Variants in MPRIP observed in about 807,000 individuals in gnomAD.
The protein encoded by MPRIP is myosin phosphatase Rho interacting protein, also known as myosin phosphatase Rho-interacting protein.
MPRIP carries 59 observed loss-of-function variants against 234.9 expected under a neutral mutation model. The observed-to-expected ratio is 0.25, with a 90% CI of 0.20 to 0.31. The LOEUF is 0.31. MPRIP is among the 10% of genes least tolerant of loss of function. The pLI, the probability that MPRIP is intolerant of heterozygous loss-of-function variation, is 1.00. For missense variants in MPRIP, 2,436 were observed against 3,071.0 expected (o/e 0.79, Z 4.89); for synonymous variants, 1,144 against 1,263.9 (o/e 0.91, Z 2.01).
rs1441494437 is a variant in MPRIP, at chr17:17,177,514, T to G, written c.7120+102T>G. 10 of 1,327,358 alleles carry G rather than the reference T, an allele frequency of 7.5e-6. No individual in the cohort carries two copies. In the African/African-American group the frequency reaches 1.5e-4, roughly 19 times the overall value. The allele number at this position is 1,327,358 out of a possible 1,614,324, so 82.2% of individuals were successfully genotyped here. On this transcript the variant is annotated intron_variant, in intron 22 of 23. Coordinates refer to ENST00000651222, the MANE Select transcript of MPRIP (RefSeq NM_001364716.4). Reference sequence around the variant, plus strand: ...TTGACTTGAAGCAGAAGAGTCCCAGTGATGCTTGTAGACCCAGGCATCCCA... The same window carrying G: ...TTGACTTGAAGCAGAAGAGTCCCAGGGATGCTTGTAGACCCAGGCATCCCA...
intron 1 of MPRIP, among the ~76,000 whole-genome samples, chr17:17,073,123 T>G (rs1055958882): frequency 3.3e-5 from 5 of 152,040 alleles, no homozygotes; most frequent in African/African-American, 1.2e-4. Context: ...AGGCAGCCAC[T>G]CCTCTGCTCT....
At chr17:17,059,632 G>T (rs1222459085) in intron 1 of MPRIP, among the ~76,000 whole-genome samples, 3 of 152,208 alleles carry the variant, frequency 2.0e-5, no homozygotes, top group African/African-American at 7.2e-5. Flanking sequence ...TTGCTCCCTG[G>T]CATGGTGCTG....
At chr17:17,082,364 C>T (rs1484488009) in intron 3 of MPRIP, among the ~76,000 whole-genome samples, 2 of 131,434 alleles carry the variant, frequency 1.5e-5, no homozygotes, top group African/African-American at 5.8e-5. Context: ...GGCGCAGTCT[C>T]GGCTCACAGC....
intron 3 of MPRIP, among the ~76,000 whole-genome samples, chr17:17,107,075 C>T (rs551832691): frequency 6.6e-6 from 1 of 152,336 alleles, no homozygotes; most frequent in Non-Finnish European, 1.5e-5. Flanking sequence ...AAAGTTTTAT[C>T]TACAACACAT....
At chr17:17,123,477 A>G (rs1663780129) in intron 3 of MPRIP, among the ~76,000 whole-genome samples, 1 of 152,194 alleles carries the variant, frequency 6.6e-6, no homozygotes, top group Non-Finnish European at 1.5e-5. Context: ...AGCCTGGCCA[A>G]CATGGTGAAA....
At chr17:17,172,654 A>C (rs1198379261) in intron 17 of MPRIP, 44 bp from the exon 18 acceptor site, 3 of 1,509,506 alleles carry the variant, frequency 2.0e-6, no homozygotes, top group Non-Finnish European at 2.7e-6. Flanking sequence ...TGTCAGCAGG[A>C]AGGGCGTGGT....
In MPRIP at chr17:17,174,009, G is replaced by A; in HGVS notation, c.6684G>A (p.Leu2228=). The stretch of plus-strand genomic sequence containing the variant: ...AGAATGCCCATCTGGCCCAGGCGCT[G>A]GAGGCCGAGCGGCAGGCCCTGCGGC... The part of the protein sequence containing the change: ...CLENAHLAQA[L]EAERQALRQC... Residue 2228 remains leucine (L), a synonymous_variant, in exon 19 of 24, where the codon CTG becomes CTA. Transcript: ENST00000651222. The A allele has an allele frequency of 6.2e-7, 1 of 1,613,698 alleles. No homozygotes were observed. The highest frequency in any genetic ancestry group is 8.5e-7 in the Non-Finnish European group (1 of 1,180,040).
At position 17,138,263 on chromosome 17, in the gene MPRIP, G is replaced by A. The variant is rs943696106; in HGVS notation, c.1084G>A (p.Ala362Thr). The A allele has an allele frequency of 1.2e-5, 6 of 504,578 alleles. No homozygotes were observed. Among genetic ancestry groups the A allele is most frequent in the African/African-American group, 6.0e-5 (3 of 49,998 alleles). The allele number at this position is 504,578 out of a possible 1,614,324, so 31.3% of individuals were successfully genotyped here. Residue 362 changes from alanine to threonine, a missense_variant, in exon 7 of 24, where the codon GCC (alanine) becomes ACC (threonine). Ala to Thr is a moderately conservative substitution (Grantham distance 58). Around this residue, in one of 4 missense-constraint regions of MPRIP, gnomAD observed 267 missense variants for 252.7 expected, o/e 1.06. Transcript: ENST00000651222. This position sits in a 1 kb window ranked among gnomAD's most constrained non-coding sequence, Gnocchi z 5.8. Reference protein sequence around the residue: ...RGTERLGSAFAFKASRQYATL... With the variant: ...RGTERLGSAFTFKASRQYATL... ...GACAGAGAGACTGGGGAGCGCCTTTGCCTTTAAAGCCAGCAGGCAATATGC... is the reference window on the plus strand; with the variant it reads ...GACAGAGAGACTGGGGAGCGCCTTTACCTTTAAAGCCAGCAGGCAATATGC...
chr17:17,110,059 G>T (rs1255472306), intron 3 of MPRIP, among the ~76,000 whole-genome samples: 1 of 152,140 alleles, frequency 6.6e-6, no homozygotes, highest in African/African-American at 2.4e-5. Flanking sequence ...GATCCCTCAT[G>T]AGTAGATCAG....
chr17:17,128,685 C>G (rs1029666129), intron 4 of MPRIP, among the ~76,000 whole-genome samples: 1 of 152,172 alleles, frequency 6.6e-6, no homozygotes, highest in Non-Finnish European at 1.5e-5. Context: ...TAGTTCGTGT[C>G]CAACAGGCAG....
At chr17:17,105,415 T>A (rs1280973910) in intron 3 of MPRIP, among the ~76,000 whole-genome samples, 1 of 152,216 alleles carries the variant, frequency 6.6e-6, no homozygotes, top group Non-Finnish European at 1.5e-5. Context: ...GGAGTCGGTC[T>A]TGAAACTGGG....
intron 5 of MPRIP, among the ~76,000 whole-genome samples, chr17:17,131,908 G>T (rs1406627240): frequency 1.3e-5 from 2 of 152,212 alleles, no homozygotes; most frequent in Non-Finnish European, 2.9e-5. Flanking sequence ...TGGCCTGCTA[G>T]TGTGCTCTGG....
intron 4 of MPRIP, among the ~76,000 whole-genome samples, chr17:17,131,053 G>C (rs1329206152): frequency 6.6e-6 from 1 of 152,154 alleles, no homozygotes; most frequent in South Asian, 2.1e-4. Flanking sequence ...TATCCAGAGT[G>C]AACTTGCCAC....
chr17:17,055,532 A>G (rs1313843138), intron 1 of MPRIP, among the ~76,000 whole-genome samples: 1 of 152,064 alleles, frequency 6.6e-6, no homozygotes, highest in Non-Finnish European at 1.5e-5. Flanking sequence ...CCCAGCCTTT[A>G]CAAGTCATTC....
chr17:17,066,804 C>T (rs1457865760), intron 1 of MPRIP, among the ~76,000 whole-genome samples: 9 of 118,390 alleles, frequency 7.6e-5, no homozygotes, highest in South Asian at 6.0e-4. Flanking sequence ...TTGCCCAGGC[C>T]GGAGTGTAGT....
At chr17:17,144,721 T>C (rs1309190600) in intron 9 of MPRIP, among the ~76,000 whole-genome samples, 1 of 152,226 alleles carries the variant, frequency 6.6e-6, no homozygotes, top group African/African-American at 2.4e-5. Flanking sequence ...CTGGGTGTGG[T>C]GTCGCGCTCC....
chr17:17,087,356 G>A (rs150754853), intron 3 of MPRIP, among the ~76,000 whole-genome samples: 3 of 152,320 alleles, frequency 2.0e-5, no homozygotes, highest in Admixed American at 6.5e-5. Flanking sequence ...AAGTGTGTGG[G>A]GCAGTTTGAA....
chr17:17,085,315 T>TA (rs990595243), intron 3 of MPRIP, among the ~76,000 whole-genome samples: 2 of 152,136 alleles, frequency 1.3e-5, no homozygotes, highest in African/African-American at 4.8e-5. Context: ...TCAGATCATT[T>TA]AAAAAAACAA....
chr17:17,161,439 T>A, intron 15 of MPRIP, 83 bp downstream of exon 15: 1 of 975,272 alleles, frequency 1.0e-6, no homozygotes, highest in Non-Finnish European at 1.4e-6. Flanking sequence ...GCTAGGAGTG[T>A]GCAAAACTTG....
Sources: gnomAD v4.1 joint callset for allele counts (sites outside exome capture counted in the v4.1 genomes callset) on GRCh38, gnomAD v4.1.1 for gene constraint, gnomAD v4.1.1 regional missense constraint, Gnocchi (gnomAD v3.1) non-coding constraint, MANE v1.5 for transcripts, NCBI Gene and HGNC (gene_info 2026-07-23, HGNC 2026-07-21) for gene names.